Variants in CPNE4 observed in about 807,000 individuals in gnomAD.
The protein encoded by CPNE4 is copine-4.
A neutral mutation model predicts 67.9 loss-of-function variants in CPNE4; 25 were observed. The observed-to-expected ratio is 0.37, with a 90% CI of 0.27 to 0.51. The LOEUF (loss-of-function observed/expected upper bound fraction) is 0.51. CPNE4 is among the 20% of genes least tolerant of loss of function. CPNE4 has a pLI of 0.93. For synonymous variants in CPNE4, 242 were observed against 244.9 expected (o/e 0.99, Z 0.11); for missense variants, 464 against 690.8 (o/e 0.67, Z 3.68).
chr3:131,831,646 A>T (rs901804365), intron 2 of CPNE4, among the ~76,000 whole-genome samples: 5 of 152,240 alleles, frequency 3.3e-5, no homozygotes, highest in Non-Finnish European at 7.3e-5. Context: ...ATATAAAACT[A>T]AAATTTTCTT....
In CPNE4 at chr3:131,533,645, AT is replaced by A. The variant is rs934378928; in HGVS notation, c.*1549del. 1 of 152,224 alleles carries A rather than the reference AT, an allele frequency of 6.6e-6. No homozygotes were observed. Among genetic ancestry groups the A allele is most frequent in the African/African-American group, 2.4e-5 (1 of 41,458 alleles). 9.4% of individuals were successfully genotyped at this position (152,224 alleles called of 1,614,324 possible). ...ATTTTTTCAGTCATACAATTTTACC[AT>A]CATTCCCAAAATGTTGTGCATTTGG... is the stretch of plus-strand genomic sequence containing the variant. On this transcript the variant is annotated 3_prime_UTR_variant, in exon 16 of 16. Transcript: ENST00000429747.
chr3:132,022,881 C>T (rs1026272820), intron 1 of CPNE4, among the ~76,000 whole-genome samples: 1 of 152,164 alleles, frequency 6.6e-6, no homozygotes, highest in African/African-American at 2.4e-5. Context: ...CAGCAGCCCC[C>T]GTCATTCGCT....
rs767282824 is a variant in CPNE4, at chr3:132,005,314, CATATAT to C, written c.-2+29247_-2+29252del. On this transcript the variant is annotated intron_variant, in intron 1 of 15. Coordinates refer to ENST00000429747, the MANE Select transcript of CPNE4 (RefSeq NM_130808.3). ...CAAAACAATGAATGTGCCATTTTTA[CATATAT>C]ATATATATATATATATATATATACA... 1.6e-3 allele frequency among the ~76,000 whole-genome samples: 127 copies of C among 81,738 alleles called. 2 individuals carry two copies. Among genetic ancestry groups the C allele is most frequent in the Middle Eastern group, 0.013 (2 of 150 alleles). The allele number at this position is 81,738 out of a possible 152,430, so 53.6% of individuals were successfully genotyped here. A position where few individuals can be genotyped will look rare whatever the true frequency, so the allele number is the denominator to read the frequency against.
chr3:132,008,678 T>C lies in CPNE4; in HGVS notation c.-2+25889A>G, dbSNP rs190162241. Among the ~76,000 whole-genome samples the C allele has an allele frequency of 1.2e-3, 176 of 152,316 alleles. 1 individual carries two copies. The highest frequency in any genetic ancestry group is 3.8e-3 in the African/African-American group (159 of 41,568). ...GGTTCAGTCAGATATGCCCATAAATTCTTTTATGAAGAAGAGCTCCCTAAA... is the reference window on the plus strand; with the variant it reads ...GGTTCAGTCAGATATGCCCATAAATCCTTTTATGAAGAAGAGCTCCCTAAA... On this transcript the variant is annotated intron_variant, in intron 1 of 15. Coordinates refer to ENST00000429747, the MANE Select transcript of CPNE4 (RefSeq NM_130808.3).
chr3:131,965,447 A>G (rs541441314), intron 1 of CPNE4, among the ~76,000 whole-genome samples: 42 of 152,360 alleles, frequency 2.8e-4, no homozygotes, highest in African/African-American at 9.6e-4. Context: ...ATAAAGAATC[A>G]AGACCCACTG....
chr3:131,824,414 C>T (rs561276650), intron 2 of CPNE4, among the ~76,000 whole-genome samples: 84 of 152,246 alleles, frequency 5.5e-4, no homozygotes, highest in East Asian at 3.9e-4. Context: ...ATAATCAAGA[C>T]GGAATTTTTT....
intron 2 of CPNE4, among the ~76,000 whole-genome samples, chr3:131,886,991 G>A (rs4518170): frequency 0.27 from 41,275 of 152,084 alleles, 5,796 homozygotes; most frequent in Admixed American, 0.35. Context: ...GGGGACTGTC[G>A]GGAAGGCAGG....
chr3:131,553,426 C>T (rs1936292886), intron 12 of CPNE4, among the ~76,000 whole-genome samples: 1 of 152,004 alleles, frequency 6.6e-6, no homozygotes, highest in African/African-American at 2.4e-5. Context: ...TTTTCTTGGC[C>T]TCCAGGGCCT....
intron 2 of CPNE4, among the ~76,000 whole-genome samples, chr3:131,787,774 A>G (rs1470782171): frequency 1.3e-5 from 2 of 152,100 alleles, no homozygotes; most frequent in South Asian, 2.1e-4. Flanking sequence ...ACTTTCCCCT[A>G]CTTGGTGATA....
At chr3:131,774,146 T>C (rs1189386174) in intron 2 of CPNE4, among the ~76,000 whole-genome samples, 1 of 152,126 alleles carries the variant, frequency 6.6e-6, no homozygotes, top group African/African-American at 2.4e-5. Context: ...TCCAGCTTCT[T>C]CCAGCAGGCA....
At chr3:131,874,661 A>C (rs1315751694) in intron 2 of CPNE4, among the ~76,000 whole-genome samples, 1 of 152,234 alleles carries the variant, frequency 6.6e-6, no homozygotes, top group East Asian at 1.9e-4. Context: ...ATTTAAAATA[A>C]AATGATGCTA....
intron 2 of CPNE4, among the ~76,000 whole-genome samples, chr3:131,777,833 A>T (rs918095563): frequency 1.3e-5 from 2 of 152,084 alleles, no homozygotes; most frequent in Admixed American, 1.3e-4. Context: ...GGCTGAAAGG[A>T]ACCACATGGA....
At chr3:131,634,548 G>A (rs1031420279) in intron 7 of CPNE4, among the ~76,000 whole-genome samples, 1 of 152,046 alleles carries the variant, frequency 6.6e-6, no homozygotes, top group African/African-American at 2.4e-5. Flanking sequence ...TAACTTCATA[G>A]TCTGTTCTTA....
chr3:131,581,540 C>A (rs751060580), intron 9 of CPNE4, 39 bp downstream of exon 9: 218 of 1,371,074 alleles, frequency 1.6e-4, no homozygotes, highest in South Asian at 1.2e-5. Context: ...TCAGATAGCC[C>A]TAGCTTCATA....
At chr3:132,035,949 A>C (rs2107709891), upstream of CPNE4, among the ~76,000 whole-genome samples, 1 of 152,280 alleles carries the variant, frequency 6.6e-6, no homozygotes, top group East Asian at 1.9e-4. Context: ...TCCAACCTGA[A>C]GGTTGGAGGA....
At chr3:131,973,200 T>C (rs1244303974) in intron 1 of CPNE4, among the ~76,000 whole-genome samples, 1 of 152,114 alleles carries the variant, frequency 6.6e-6, no homozygotes, top group Non-Finnish European at 1.5e-5. Context: ...AACCTGAGTT[T>C]AAAGGAAGAA....
chr3:131,850,360 C>G (rs898989363), intron 2 of CPNE4, among the ~76,000 whole-genome samples: 6 of 152,008 alleles, frequency 3.9e-5, no homozygotes, highest in Non-Finnish European at 7.4e-5. Context: ...AGAAAGCAGA[C>G]AACACTGAGT....
At chr3:132,001,955 G>A (rs904377092) in intron 1 of CPNE4, among the ~76,000 whole-genome samples, 2 of 151,966 alleles carry the variant, frequency 1.3e-5, no homozygotes, top group Non-Finnish European at 2.9e-5. Flanking sequence ...GGGGTTTTGT[G>A]TTTTTTTCCT....
intron 2 of CPNE4, among the ~76,000 whole-genome samples, chr3:131,773,554 G>A (rs560372027): frequency 8.8e-4 from 134 of 151,998 alleles, no homozygotes; most frequent in African/African-American, 3.1e-3. Flanking sequence ...TGCCATGTTG[G>A]TCAGGCTGGT....
Sources: allele counts gnomAD v4.1 joint callset (sites outside exome capture counted in the v4.1 genomes callset), GRCh38; gene constraint gnomAD v4.1.1; transcripts MANE v1.5; gene names NCBI Gene and HGNC (gene_info 2026-07-23, HGNC 2026-07-21).